DNAH14: variants seen among roughly 807,000 people sequenced by gnomAD.
DNAH14 encodes the protein dynein axonemal heavy chain 14.
DNAH14 carries 478 observed loss-of-function variants against 520.9 expected under a neutral mutation model. The observed-to-expected ratio is 0.92, with a 90% confidence interval of 0.85 to 0.99. The LOEUF is 0.99. DNAH14 is among the 50% of genes least tolerant of loss of function. The pLI is 0.00. For missense variants in DNAH14, 4,831 were observed against 5,234.5 expected (o/e 0.92, Z 2.38); for synonymous variants, 1,581 against 1,757.2 (o/e 0.90, Z 2.51).
chr1:225,337,950 G>T (rs1251314053), intron 67 of DNAH14, 111 bp from the exon 68 acceptor site: 16 of 1,067,530 alleles, frequency 1.5e-5, no homozygotes, highest in Middle Eastern at 3.1e-4. Flanking sequence ...GAAATACTAG[G>T]TCTTATTCAT....
At chr1:224,996,335 A>AT (rs1403991553) in intron 8 of DNAH14, among the ~76,000 whole-genome samples, 1 of 151,736 alleles carries the variant, frequency 6.6e-6, no homozygotes, top group South Asian at 2.1e-4. Context: ...TATTATTATT[A>AT]TTTTTTGTGG....
chr1:225,042,883 C>G lies in DNAH14; in HGVS notation c.1537C>G (p.Pro513Ala). The change falls in exon 13 of 86, where the codon CCA (proline) becomes GCA (alanine). Residue 513 changes from proline to alanine, a missense_variant. Coordinates refer to ENST00000682510, the MANE Select transcript of DNAH14 (RefSeq NM_001367479.1). ...VGKDLRKTYA[P>A]IFEVNLCLRI... The stretch of plus-strand genomic sequence containing the variant: ...GAAGGATTTGAGAAAAACATATGCA[C>G]CAATATTTGAAGTAAATCTATGCTT... 1 of 1,551,508 alleles carries G rather than the reference C, an allele frequency of 6.4e-7. No homozygotes were observed. The highest frequency in any genetic ancestry group is 2.0e-5 in the Admixed American group (1 of 50,990).
At chr1:225,043,864 C>T in intron 14 of DNAH14, 22 bp from the exon 15 acceptor site, 1 of 1,488,382 alleles carries the variant, frequency 6.7e-7, no homozygotes, top group Non-Finnish European at 9.1e-7. Flanking sequence ...CTGAAATATG[C>T]TTTTATTGTT....
intron 42 of DNAH14, among the ~76,000 whole-genome samples, chr1:225,237,721 C>T (rs145913778): frequency 2.2e-4 from 34 of 152,116 alleles, no homozygotes; most frequent in Non-Finnish European, 2.9e-5. Flanking sequence ...TGGTTCCATT[C>T]TCCCCATCTC....
chr1:225,318,622 G>A lies in DNAH14; in HGVS notation c.9280G>A (p.Asp3094Asn). ...NELKSVLPAF[D>N]KAIVALNALD... is the part of the protein sequence containing the mutation. ...ACTAAAAAGTGTGCTGCCAGCCTTT[G>A]ACAAGGCAATTGTGGCTCTGAATGC... Residue 3094 changes from aspartate to asparagine, a missense_variant, in exon 61 of 86, where the codon GAC becomes AAC. Transcript: ENST00000682510. The A allele has an allele frequency of 6.5e-7, 1 of 1,549,290 alleles. No homozygotes were observed. The highest frequency in any genetic ancestry group is 8.7e-7 in the Non-Finnish European group (1 of 1,145,772).
At chr1:225,222,501 G>A (rs533153090) in intron 41 of DNAH14, among the ~76,000 whole-genome samples, 1 of 152,272 alleles carries the variant, frequency 6.6e-6, no homozygotes, top group East Asian at 1.9e-4. Flanking sequence ...CATGGAAGGG[G>A]ACCCAAGAGG....
intron 79 of DNAH14, 82 bp from the exon 80 acceptor site, chr1:225,380,077 A>T (rs148752558): frequency 2.8e-6 from 4 of 1,405,408 alleles, no homozygotes; most frequent in Non-Finnish European, 3.8e-6. Context: ...GTCTACCAGT[A>T]ATCTTGAATC....
At chr1:225,158,533 C>T (rs574891055) in intron 34 of DNAH14, among the ~76,000 whole-genome samples, 60 of 152,266 alleles carry the variant, frequency 3.9e-4, no homozygotes, top group Non-Finnish European at 7.2e-4. Context: ...GTGGACTCGT[C>T]GCTTGTCTAC....
At chr1:224,955,155 T>A in intron 3 of DNAH14, 57 bp downstream of exon 3, 2 of 1,547,656 alleles carry the variant, frequency 1.3e-6, no homozygotes, top group Admixed American at 2.1e-5. Context: ...TTATGGAAAT[T>A]GAAAGAAATT....
At chr1:225,233,830 C>T (rs117278557) in intron 42 of DNAH14, among the ~76,000 whole-genome samples, 2,192 of 152,190 alleles carry the variant, frequency 0.014, 46 homozygotes, top group East Asian at 0.05. Context: ...GTTGCAATTG[C>T]GTTTCAAATT....
intron 1 of DNAH14, 102 bp from the exon 2 acceptor site, chr1:224,952,568 C>T (rs2060247347): frequency 1.8e-6 from 1 of 553,756 alleles, no homozygotes; most frequent in East Asian, 3.5e-5. Context: ...TATATTAAGC[C>T]TATTGAGAAG....
At chr1:224,992,752 T>A (rs778375371) in intron 8 of DNAH14, among the ~76,000 whole-genome samples, 17 of 152,064 alleles carry the variant, frequency 1.1e-4, no homozygotes, top group Admixed American at 1.0e-3. Flanking sequence ...TGAATAGAAG[T>A]GGTGAGAGTG....
rs142971194 is a variant in DNAH14 at position 225,224,687 on chromosome 1, C to G, written c.6440-6386C>G. 5.0e-3 allele frequency among the ~76,000 whole-genome samples: 761 copies of G among 152,242 alleles called. 6 individuals carry two copies. The highest frequency in any genetic ancestry group is 0.017 in the African/African-American group (719 of 41,530). ...TTGTGCCTACAAAAGTAGTTCACTC[C>G]CCCATACCTAACGCTTCTGGTAAAA... is the stretch of plus-strand genomic sequence containing the variant. On this transcript the variant is annotated intron_variant, in intron 41 of 85. Transcript: ENST00000682510.
intron 12 of DNAH14, among the ~76,000 whole-genome samples, chr1:225,039,629 G>A (rs915758464): frequency 6.6e-5 from 10 of 150,452 alleles, no homozygotes; most frequent in Non-Finnish European, 1.2e-4. Context: ...TTTTCTCTCC[G>A]TTGGTATTAT....
intron 78 of DNAH14, among the ~76,000 whole-genome samples, chr1:225,376,931 T>C (rs1004775047): frequency 6.6e-6 from 1 of 151,980 alleles, no homozygotes; most frequent in Non-Finnish European, 1.5e-5. Context: ...ATTGCATTCA[T>C]TATCTATGGG....
chr1:225,205,860 A>T, intron 39 of DNAH14, 111 bp from the exon 40 acceptor site: 2 of 847,580 alleles, frequency 2.4e-6, no homozygotes, highest in South Asian at 3.6e-5. Context: ...GTTTTCTAGG[A>T]TATCTTTCCT....
At chr1:225,392,939 ACCAG>A (rs1009068845) in intron 84 of DNAH14, among the ~76,000 whole-genome samples, 12 of 152,160 alleles carry the variant, frequency 7.9e-5, no homozygotes, top group African/African-American at 2.4e-5. Context: ...AGCACAGAGC[ACCAG>A]CCAGCCAGGT....
At chr1:225,130,178 A>G (rs373211010) in intron 27 of DNAH14, among the ~76,000 whole-genome samples, 14 of 152,080 alleles carry the variant, frequency 9.2e-5, no homozygotes, top group African/African-American at 2.7e-4. Flanking sequence ...AACAGGTGCT[A>G]GAGAGGATGT....
chr1:225,144,278 A>C (rs1236461832), intron 28 of DNAH14, 119 bp from the exon 29 acceptor site: 2 of 761,186 alleles, frequency 2.6e-6, no homozygotes, highest in Middle Eastern at 3.8e-4. Flanking sequence ...TTAATTTTTT[A>C]ACTTCTATTT....
Sources: allele counts gnomAD v4.1 joint callset (sites outside exome capture counted in the v4.1 genomes callset), GRCh38; gene constraint gnomAD v4.1.1; transcripts MANE v1.5; gene names NCBI Gene and HGNC (gene_info 2026-07-23, HGNC 2026-07-21).